Variants in PYROXD2 observed in about 807,000 individuals in gnomAD.
The protein encoded by PYROXD2 is pyridine nucleotide-disulphide oxidoreductase domain 2, also known as pyridine nucleotide-disulfide oxidoreductase domain-containing protein 2.
A neutral mutation model predicts 71.1 loss-of-function variants in PYROXD2; 69 were observed. The observed-to-expected ratio is 0.97, with a 90% confidence interval of 0.80 to 1.19. PYROXD2 has a LOEUF of 1.19. Ranked by LOEUF, PYROXD2 falls within the 50% of genes most tolerant of loss-of-function variation. The probability of loss-of-function intolerance (pLI) is 0.00; values close to 1 mark genes in which losing one functional copy is unlikely to be tolerated. For synonymous variants in PYROXD2, 287 were observed against 302.7 expected (o/e 0.95, Z 0.54); for missense variants, 745 against 748.9 (o/e 0.99, Z 0.06).
intron 15 of PYROXD2, among the ~76,000 whole-genome samples, chr10:98,384,427 G>A (rs79286676): frequency 0.015 from 2,296 of 152,150 alleles, 62 homozygotes; most frequent in African/African-American, 0.052. Flanking sequence ...AGACCAGCCC[G>A]GGCAACCTAA....
intron 4 of PYROXD2, among the ~76,000 whole-genome samples, chr10:98,403,085 G>A (rs1843472764): frequency 6.6e-6 from 1 of 152,148 alleles, no homozygotes; most frequent in African/African-American, 2.4e-5. Flanking sequence ...GGGCAGGCTC[G>A]CCGCAGCTCT....
In PYROXD2 at chr10:98,393,045, C is replaced by A. The variant is rs779815908; in HGVS notation, c.824G>T (p.Gly275Val). The A allele has an allele frequency of 3.8e-6, 6 of 1,593,034 alleles. No homozygotes were observed. The highest frequency in any genetic ancestry group is 3.7e-5 in the Admixed American group (2 of 53,764). ...GACGTAGCCCCAGGCCCCCTGCATT[C>A]CCTCCAGGCCCCCCATCACATGGTG... ...LLHHVMGGLE[G>V]MQGAWGYVQG... Residue 275 changes from glycine (G) to valine (V), a missense_variant, in exon 9 of 16, where the codon GGA becomes GTA. Physicochemically the swap from Gly to Val is moderately radical, Grantham distance 109. Transcript: ENST00000370575.
At chr10:98,401,197 G>A (rs1843387343) in intron 4 of PYROXD2, among the ~76,000 whole-genome samples, 1 of 139,662 alleles carries the variant, frequency 7.2e-6, no homozygotes, top group Admixed American at 7.8e-5. Flanking sequence ...AGGTTGCAGT[G>A]AGGCAAGATT....
intron 8 of PYROXD2, among the ~76,000 whole-genome samples, chr10:98,394,831 G>A (rs1483372940): frequency 1.3e-5 from 2 of 152,008 alleles, no homozygotes; most frequent in African/African-American, 4.8e-5. Flanking sequence ...GAAGAGGAGA[G>A]AAAAGAAGAT....
chr10:98,398,135 G>A (rs559687542), intron 5 of PYROXD2, among the ~76,000 whole-genome samples: 3 of 152,190 alleles, frequency 2.0e-5, no homozygotes, highest in East Asian at 3.9e-4. Context: ...CGCCTGCCTC[G>A]GCCTCTCAAA....
intron 14 of PYROXD2, among the ~76,000 whole-genome samples, chr10:98,386,555 T>A (rs929960007): frequency 3.3e-5 from 5 of 151,342 alleles, no homozygotes; most frequent in Non-Finnish European, 4.4e-5. Flanking sequence ...GCTTTTTTTT[T>A]AAATTTTCTT....
At chr10:98,384,664 C>T (rs528668344) in intron 15 of PYROXD2, among the ~76,000 whole-genome samples, 4 of 152,266 alleles carry the variant, frequency 2.6e-5, no homozygotes, top group African/African-American at 9.6e-5. Flanking sequence ...CTCTCACAAC[C>T]CCACATTGGA....
chr10:98,384,926 G>A, intron 15 of PYROXD2, 21 bp downstream of exon 15: 1 of 1,604,304 alleles, frequency 6.2e-7, no homozygotes, highest in Non-Finnish European at 8.5e-7. Flanking sequence ...CCACAGGGTA[G>A]TGGGACTCCA....
Position 98,410,924 on chromosome 10 carries a change from T to C in PYROXD2, c.147+15A>G. ...CCAGGGCCAGTGAAGTGGGATCAAG[T>C]GGGGAGGTACTCACAGCCACCAGTC... On this transcript the variant is annotated intron_variant, in intron 2 of 15. Transcript: ENST00000370575. 2 of 1,562,428 alleles carry C rather than the reference T, an allele frequency of 1.3e-6. No homozygotes were observed. Among genetic ancestry groups the C allele is most frequent in the African/African-American group, 2.7e-5 (2 of 74,160 alleles).
At chr10:98,396,448 C>T (rs78361550) in intron 6 of PYROXD2, among the ~76,000 whole-genome samples, 2 of 151,912 alleles carry the variant, frequency 1.3e-5, no homozygotes, top group Non-Finnish European at 2.9e-5. Flanking sequence ...AGCTGAACCA[C>T]GAAGACATGT....
At chr10:98,396,632 T>C (rs910048356) in intron 6 of PYROXD2, among the ~76,000 whole-genome samples, 5 of 152,202 alleles carry the variant, frequency 3.3e-5, no homozygotes, top group African/African-American at 1.2e-4. Context: ...GCATTCTTCC[T>C]GTATGGGGGC....
intron 14 of PYROXD2, 117 bp downstream of exon 14, chr10:98,387,084 C>T: frequency 2.7e-6 from 2 of 737,378 alleles, no homozygotes; most frequent in Non-Finnish European, 4.4e-6. Flanking sequence ...TGCCACTGTC[C>T]TCCCTTCCTG....
chr10:98,388,502 C>A lies in PYROXD2; in HGVS notation c.1299G>T (p.Val433=). The part of the protein sequence containing the change: ...AMDGLPSHRP[V]IELCIPSSLD... ...GCGAGGAAGGGATGCAGAGCTCAAT[C>A]ACAGGCCTGTGCGGGCAGGGAGGAG... The change falls in exon 13 of 16, where the codon GTG becomes GTT. Residue 433 remains valine, a synonymous_variant. Coordinates refer to ENST00000370575, the MANE Select transcript of PYROXD2 (RefSeq NM_032709.3). 1 of 1,603,636 alleles carries A rather than the reference C, an allele frequency of 6.2e-7. No homozygotes were observed. The highest frequency in any genetic ancestry group is 8.5e-7 in the Non-Finnish European group (1 of 1,175,610).
Position 98,396,686 on chromosome 10 carries a change from G to A in PYROXD2, c.625+659C>T, listed in dbSNP as rs568328324. 6.6e-5 allele frequency among the ~76,000 whole-genome samples: 10 copies of A among 152,258 alleles called. No homozygotes were observed. The South Asian group carries it at 2.1e-3, about 32-fold the overall frequency. Reference sequence around the variant, plus strand: ...GCCCCTATATCTTATTCTAGCCACAGCCATGATGCTGAGCTCCAAGCAGGC... The same window carrying A: ...GCCCCTATATCTTATTCTAGCCACAACCATGATGCTGAGCTCCAAGCAGGC... On this transcript the variant is annotated intron_variant, in intron 6 of 15. Coordinates refer to ENST00000370575, the MANE Select transcript of PYROXD2 (RefSeq NM_032709.3).
At chr10:98,387,356 G>C (rs772799566) in intron 13 of PYROXD2, 49 bp from the exon 14 acceptor site, 7 of 1,362,442 alleles carry the variant, frequency 5.1e-6, no homozygotes, top group Non-Finnish European at 6.2e-6. Context: ...AAGAAGAGGA[G>C]GCACTATGGG....
intron 5 of PYROXD2, among the ~76,000 whole-genome samples, chr10:98,399,583 C>G (rs900992014): frequency 6.6e-6 from 1 of 152,206 alleles, no homozygotes; most frequent in Non-Finnish European, 1.5e-5. Flanking sequence ...CCATCATGGA[C>G]ACTTTGTTGC....
At chr10:98,396,408 C>T (rs936744397) in intron 6 of PYROXD2, among the ~76,000 whole-genome samples, 1 of 152,136 alleles carries the variant, frequency 6.6e-6, no homozygotes, top group African/African-American at 2.4e-5. Flanking sequence ...TGCCTGAGAC[C>T]AAACCAGATC....
intron 6 of PYROXD2, among the ~76,000 whole-genome samples, chr10:98,396,575 A>C (rs113503653): frequency 9.1e-4 from 138 of 152,354 alleles, no homozygotes; most frequent in Non-Finnish European, 1.7e-3. Flanking sequence ...CTCATGGCAG[A>C]CATTACTAAT....
At chr10:98,391,454 G>C (rs1444942704) in intron 10 of PYROXD2, among the ~76,000 whole-genome samples, 1 of 152,112 alleles carries the variant, frequency 6.6e-6, no homozygotes, top group African/African-American at 2.4e-5. Flanking sequence ...TTTAGTAATG[G>C]AATCACTCAG....
Sources: allele counts gnomAD v4.1 joint callset (sites outside exome capture counted in the v4.1 genomes callset), GRCh38; gene constraint gnomAD v4.1.1; transcripts MANE v1.5; gene names NCBI Gene and HGNC (gene_info 2026-07-23, HGNC 2026-07-21).